The following CDC16 variants were observed in gnomAD, a reference collection of about 807,000 sequenced individuals.
The protein encoded by CDC16 is cell division cycle 16, also known as cell division cycle protein 16 homolog.
In CDC16, 34 loss-of-function variants were observed where a neutral mutation model predicts 87.0. That is an observed-to-expected ratio of 0.39 (90% CI 0.30 to 0.52). The LOEUF is 0.52. Among genes scored for constraint, CDC16 ranks in the 20% least tolerant of loss-of-function variants. The pLI is 0.74. For synonymous variants in CDC16, 263 were observed against 260.6 expected (o/e 1.01, Z -0.09); for missense variants, 653 against 751.9 (o/e 0.87, Z 1.54).
intron 14 of CDC16, among the ~76,000 whole-genome samples, chr13:114,260,005 G>C (rs949516078): frequency 3.3e-5 from 5 of 152,198 alleles, no homozygotes; most frequent in African/African-American, 9.7e-5. Context: ...AGTAGTAACA[G>C]TTTTAGATAC....
chr13:114,257,034 C>G (rs764572726), intron 12 of CDC16, 44 bp from the exon 13 acceptor site: 23 of 1,328,370 alleles, frequency 1.7e-5, no homozygotes, highest in Middle Eastern at 1.9e-4. Flanking sequence ...TCTGCTAAAT[C>G]ACAGTTTTTG....
chr13:114,258,210 A>T (rs2082628431), intron 13 of CDC16, among the ~76,000 whole-genome samples: 1 of 152,266 alleles, frequency 6.6e-6, no homozygotes, highest in South Asian at 2.1e-4. Context: ...AATATAATAC[A>T]GTAATCATCA....
chr13:114,248,847 T>C (rs1320563232), intron 11 of CDC16, among the ~76,000 whole-genome samples: 1 of 151,946 alleles, frequency 6.6e-6, no homozygotes, highest in African/African-American at 2.4e-5. Context: ...GAAAGATGAT[T>C]AGTATTGTAA....
Position 114,266,781 on chromosome 13 carries a change from C to T in CDC16, c.1603+1541C>T, listed in dbSNP as rs973386925. Among the ~76,000 whole-genome samples the T allele has an allele frequency of 5.9e-4, 90 of 152,088 alleles. 2 individuals are homozygous for T. Among genetic ancestry groups the T allele is most frequent in the Admixed American group, 5.8e-3 (88 of 15,262 alleles). ...GGATCTCTGCTCACTGCAAGCTCCC[C>T]CTCACCGGGGTTCATGCCATTCTCC... On this transcript the variant is annotated intron_variant, in intron 17 of 17. Coordinates refer to ENST00000356221, the MANE Select transcript of CDC16 (RefSeq NM_001078645.3).
intron 13 of CDC16, among the ~76,000 whole-genome samples, chr13:114,257,537 G>T (rs1158841818): frequency 6.6e-6 from 1 of 152,142 alleles, no homozygotes; most frequent in Non-Finnish European, 1.5e-5. Flanking sequence ...AGTTATCTCT[G>T]TGTTGATAAG....
chr13:114,247,300 C>A, intron 11 of CDC16: 1 of 325,578 alleles, frequency 3.1e-6, no homozygotes, highest in Middle Eastern at 9.6e-4. Context: ...GTAGCTGGGA[C>A]TACAGGCACC....
intron 17 of CDC16, among the ~76,000 whole-genome samples, chr13:114,271,062 C>T (rs1350833003): frequency 1.3e-5 from 2 of 151,266 alleles, no homozygotes; most frequent in African/African-American, 4.8e-5. Flanking sequence ...GCTGGGACTA[C>T]AGGCGCCCGC....
At position 114,235,391 on chromosome 13, in the gene CDC16, C is replaced by T. The variant is rs571465115; in HGVS notation, c.48+259C>T. Among the ~76,000 whole-genome samples the T allele has an allele frequency of 2.8e-3, 423 of 152,328 alleles. 3 individuals carry two copies. Among genetic ancestry groups the T allele is most frequent in the Non-Finnish European group, 4.7e-3 (319 of 68,008 alleles). On this transcript the variant is annotated intron_variant, in intron 1 of 17. Transcript: ENST00000356221. ...AGTCGGGTCTGAGCCTCGTTCTGCA[C>T]CTGGCGCGGAGGAGGTGCCCAGGAA...
At chr13:114,249,180 T>A (rs1326695042) in intron 11 of CDC16, among the ~76,000 whole-genome samples, 1 of 151,568 alleles carries the variant, frequency 6.6e-6, no homozygotes, top group East Asian at 1.9e-4. Flanking sequence ...AGGCATTAGA[T>A]TCTCGTAAGG....
chr13:114,255,791 T>A (rs773741477), intron 12 of CDC16, among the ~76,000 whole-genome samples: 2 of 152,100 alleles, frequency 1.3e-5, no homozygotes, highest in Non-Finnish European at 2.9e-5. Flanking sequence ...TACAAGCCCA[T>A]ACCACCACGC....
chr13:114,260,769 AAG>A (rs2082804482), intron 14 of CDC16, among the ~76,000 whole-genome samples: 1 of 152,216 alleles, frequency 6.6e-6, no homozygotes. Flanking sequence ...AGTCATGCCT[AAG>A]AGTCATTAAA....
At chr13:114,246,783 A>G in intron 10 of CDC16, 148 bp from the exon 11 acceptor site, 5 of 632,794 alleles carry the variant, frequency 7.9e-6, no homozygotes, top group Middle Eastern at 4.3e-4. Context: ...CTTGGACCTT[A>G]GTAGACTGTA....
intron 17 of CDC16, among the ~76,000 whole-genome samples, chr13:114,269,894 T>A (rs955347744): frequency 3.3e-5 from 5 of 152,050 alleles, no homozygotes; most frequent in Non-Finnish European, 7.4e-5. Flanking sequence ...TTAGTAGAGA[T>A]GGGGTTTCAC....
chr13:114,257,025 C>T, intron 12 of CDC16, 53 bp from the exon 13 acceptor site: 1 of 1,206,824 alleles, frequency 8.3e-7, no homozygotes, highest in Non-Finnish European at 1.2e-6. Context: ...AGATTAATTT[C>T]TGCTAAATCA....
rs760093001 is a variant in CDC16, at chr13:114,250,542, G to C, written c.972-7G>C. On this transcript the variant is annotated splice_polypyrimidine_tract_variant and splice_region_variant and intron_variant, in intron 11 of 17. Transcript: ENST00000356221. ...CTATATGACTTAAATTAACTCTTTT[G>C]TTTTAGCAAAGCCACAACACTTGAG... The C allele has an allele frequency of 6.3e-7, 1 of 1,576,704 alleles. No homozygotes were observed. The highest frequency in any genetic ancestry group is 8.7e-7 in the Non-Finnish European group (1 of 1,151,544).
chr13:114,255,144 T>C (rs2082418914), intron 12 of CDC16, among the ~76,000 whole-genome samples: 1 of 152,242 alleles, frequency 6.6e-6, no homozygotes, highest in Non-Finnish European at 1.5e-5. Context: ...CATAAAGGAC[T>C]CCCTTTAGTA....
chr13:114,268,124 G>C (rs534851445), intron 17 of CDC16, among the ~76,000 whole-genome samples: 1 of 151,854 alleles, frequency 6.6e-6, no homozygotes, highest in East Asian at 1.9e-4. Context: ...TCCCGAGTTG[G>C]AAAAGGGAAA....
intron 3 of CDC16, 29 bp downstream of exon 3, chr13:114,236,925 T>G: frequency 1.3e-5 from 19 of 1,411,868 alleles, no homozygotes; most frequent in Non-Finnish European, 1.6e-5. Context: ...TTTAAAGCTC[T>G]TCAGAGCTTT....
intron 12 of CDC16, among the ~76,000 whole-genome samples, chr13:114,252,696 T>C (rs1007432224): frequency 6.6e-6 from 1 of 152,222 alleles, no homozygotes; most frequent in Admixed American, 6.5e-5. Flanking sequence ...GAGCATATGC[T>C]ACAGTCTGGT....
Sources: gnomAD v4.1 joint callset for allele counts (sites outside exome capture counted in the v4.1 genomes callset) on GRCh38, gnomAD v4.1.1 for gene constraint, MANE v1.5 for transcripts, NCBI Gene and HGNC (gene_info 2026-07-23, HGNC 2026-07-21) for gene names.